Variants in KMT2C observed in about 807,000 individuals in gnomAD.
KMT2C encodes histone-lysine N-methyltransferase 2C.
Under a neutral mutation model 507.9 loss-of-function variants are expected in KMT2C, and 88 were observed. The observed-to-expected ratio is 0.17, with a 90% CI of 0.15 to 0.21. The LOEUF (loss-of-function observed/expected upper bound fraction) is 0.21. KMT2C is among the 10% of genes least tolerant of loss of function. The probability of loss-of-function intolerance (pLI) is 1.00; values close to 1 mark genes in which losing one functional copy is unlikely to be tolerated. For synonymous variants in KMT2C, 2,049 were observed against 2,080.8 expected, an observed-to-expected ratio of 0.98 and a Z score of 0.42; for missense variants, 4,954 against 5,957.8, an observed-to-expected ratio of 0.83 and a Z score of 5.55.
rs373033231 is a variant in KMT2C, at chr7:152,319,199, G to A, written c.390-3861C>T. Among the ~76,000 whole-genome samples the A allele has an allele frequency of 2.4e-3, 363 of 152,242 alleles. 1 individual carries two copies. The highest frequency in any genetic ancestry group is 7.8e-3 in the African/African-American group (322 of 41,540). On this transcript the variant is annotated intron_variant, in intron 3 of 58. Transcript: ENST00000262189. ...TGCCGAGGCAAGAGACCAAGGGCAC[G>A]AGCTGTTCCAGTATAACAAAATATA...
At chr7:152,223,906 G>C (rs1304983372) in intron 20 of KMT2C, 109 bp downstream of exon 20, 5 of 828,028 alleles carry the variant, frequency 6.0e-6, no homozygotes, top group Admixed American at 2.9e-5. Flanking sequence ...AAGGCAAAAA[G>C]TTCTGTACCT....
intron 39 of KMT2C, among the ~76,000 whole-genome samples, chr7:152,173,703 C>CT (rs1162015363): frequency 3.9e-5 from 6 of 152,250 alleles, no homozygotes; most frequent in South Asian, 2.1e-4. Flanking sequence ...TTGTAACTTT[C>CT]TTTTTCTGAT....
Position 152,367,151 on chromosome 7 carries a change from C to G in KMT2C, c.162-8476G>C, listed in dbSNP as rs540311328. 228 of 1,317,142 alleles carry G rather than the reference C, an allele frequency of 1.7e-4. No homozygotes were observed. The South Asian group carries it at 2.7e-3, about 16-fold the overall frequency. The allele number at this position is 1,317,142 out of a possible 1,614,324, so 81.6% of individuals were successfully genotyped here. A position where few individuals can be genotyped will look rare whatever the true frequency, so the allele number is the denominator to read the frequency against. ...TCCTAGAAATCTAGCACTGGAGAAACGAGGAAAATTCTTCCAAGGATGGTC... is the reference window on the plus strand; with the variant it reads ...TCCTAGAAATCTAGCACTGGAGAAAGGAGGAAAATTCTTCCAAGGATGGTC... On this transcript the variant is annotated intron_variant, in intron 1 of 58. Transcript: ENST00000262189.
In KMT2C at chr7:152,149,023, G is replaced by C. The variant is rs559520719; in HGVS notation, c.12904C>G (p.Pro4302Ala). 16 of 1,539,900 alleles carry C rather than the reference G, an allele frequency of 1.0e-5. No homozygotes were observed. The East Asian group carries it at 2.9e-4, about 28-fold the overall frequency. Reference protein sequence around the residue: ...LPQLPEKASPPASPPIAFPPA... With the variant: ...LPQLPEKASPAASPPIAFPPA... ...GGGAAGGCGATGGGTGGTGAGGCAG[G>C]GGGAGAAGCTTTCTCTGGGAGCTGG... Residue 4302 changes from proline (P) to alanine (A), a missense_variant, in exon 52 of 59, where the codon CCT (proline) becomes GCT (alanine). Physicochemically the swap from Pro to Ala is conservative, Grantham distance 27. Transcript: ENST00000262189.
chr7:152,364,470 G>A lies in KMT2C; in HGVS notation c.162-5795C>T, dbSNP rs943296708. On this transcript the variant is annotated intron_variant, in intron 1 of 58. Transcript: ENST00000262189. ...AAAATACAAAAAATTAGCCGGGCGC[G>A]TGGTGGCAGGTGCCTGTAGTCCTAG... Among the ~76,000 whole-genome samples the A allele has an allele frequency of 4.6e-5, 7 of 152,074 alleles. No homozygotes were observed. The South Asian group carries it at 6.2e-4, about 14-fold the overall frequency.
At chr7:152,221,920 G>A in intron 22 of KMT2C, 81 bp downstream of exon 22, 6 of 991,552 alleles carry the variant, frequency 6.1e-6, no homozygotes, top group Non-Finnish European at 9.3e-6. Context: ...GATTGAAGCA[G>A]GTTTGACAAG....
chr7:152,380,049 T>C (rs62495482), intron 1 of KMT2C, among the ~76,000 whole-genome samples: 23 of 152,398 alleles, frequency 1.5e-4, no homozygotes, highest in African/African-American at 5.3e-4. Flanking sequence ...CTGGGTAACA[T>C]GGTGAAACCC....
chr7:152,190,018 CA>C (rs2093743114), intron 31 of KMT2C, among the ~76,000 whole-genome samples: 1 of 152,136 alleles, frequency 6.6e-6, no homozygotes, highest in Non-Finnish European at 1.5e-5. Flanking sequence ...ATTAGATTCT[CA>C]TAGAAGCGCA....
chr7:152,162,493 T>A lies in KMT2C; in HGVS notation c.11084A>T (p.Asn3695Ile). The A allele has an allele frequency of 6.2e-7, 1 of 1,614,236 alleles. No homozygotes were observed. The highest frequency in any genetic ancestry group is 8.5e-7 in the Non-Finnish European group (1 of 1,180,048). The part of the protein sequence containing the change: ...PNSDFSQATP[N>I]QQTYANSEVD... Reference sequence around the variant, plus strand: ...TTCTGAATTTGCATACGTCTGTTGATTTGGAGTTGCTTGTGAGAAATCACT... The same window carrying A: ...TTCTGAATTTGCATACGTCTGTTGAATTGGAGTTGCTTGTGAGAAATCACT... The change falls in exon 43 of 59, where the codon AAT (asparagine) becomes ATT (isoleucine). Residue 3695 changes from asparagine (N) to isoleucine (I), a missense_variant. Physicochemically the swap from Asn to Ile is moderately radical, Grantham distance 149. Transcript: ENST00000262189.
chr7:152,176,995 T>C lies in KMT2C; in HGVS notation c.8458A>G (p.Asn2820Asp), dbSNP rs2129114023. The C allele has an allele frequency of 1.9e-6, 3 of 1,614,050 alleles. No homozygotes were observed. The highest frequency in any genetic ancestry group is 2.5e-6 in the Non-Finnish European group (3 of 1,179,904). Residue 2820 changes from asparagine (N) to aspartate (D), a missense_variant, in exon 38 of 59, where the codon AAT becomes GAT. This residue lies in a region of KMT2C where 1,689 missense variants were observed against 1,654.3 expected (regional missense o/e 1.02). Coordinates refer to ENST00000262189, the MANE Select transcript of KMT2C (RefSeq NM_170606.3). ...GACAGTACTTCCGTTTTTACCTCAT[T>C]GGTAACAGTGGATTTTTTCTGTGGT... ...HSPQKKSTVT[N>D]EVKTEVLSPN...
rs2092535918 is a variant in KMT2C, at chr7:152,162,951, G to A, written c.10626C>T (p.Thr3542=). 3 of 1,614,142 alleles carry A rather than the reference G, an allele frequency of 1.9e-6. No homozygotes were observed. The highest frequency in any genetic ancestry group is 2.5e-6 in the Non-Finnish European group (3 of 1,180,030). Residue 3542 remains threonine, a synonymous_variant, in exon 43 of 59, where the codon ACC becomes ACT. Transcript: ENST00000262189. ...GCCTCACTGGGGACTGCTGGAAGCT[G>A]GTCCCAGAAAGATTTCCATGTCCCT... ...VKQGHGNLSG[T]SFQQSPVRPS...
At position 152,334,289 on chromosome 7, in the gene KMT2C, C is replaced by T. The variant is rs186234290; in HGVS notation, c.251-3550G>A. ...TCAACATGGAGAAACCCCATCTCTA[C>T]TAAAAATACAGAATTAGCCGGGCGA... On this transcript the variant is annotated intron_variant, in intron 2 of 58. Transcript: ENST00000262189. Among the ~76,000 whole-genome samples, 577 of 152,238 alleles carry T rather than the reference C, an allele frequency of 3.8e-3. 2 individuals carry two copies. Among genetic ancestry groups the T allele is most frequent in the Non-Finnish European group, 5.1e-3 (345 of 68,008 alleles).
chr7:152,231,950 G>A (rs1477169941), intron 16 of KMT2C, among the ~76,000 whole-genome samples: 1 of 151,294 alleles, frequency 6.6e-6, no homozygotes, highest in Non-Finnish European at 1.5e-5. Flanking sequence ...TGCAGTCTCG[G>A]CTCAGTGCAA....
At chr7:152,374,344 T>A (rs1564030081) in intron 1 of KMT2C, among the ~76,000 whole-genome samples, 1 of 150,940 alleles carries the variant, frequency 6.6e-6, no homozygotes, top group Non-Finnish European at 1.5e-5. Context: ...TAATAATAAT[T>A]AATAAAAATT....
chr7:152,166,986 A>T (rs1421231380), intron 42 of KMT2C, among the ~76,000 whole-genome samples, 160 bp downstream of exon 42: 1 of 152,204 alleles, frequency 6.6e-6, no homozygotes, highest in Non-Finnish European at 1.5e-5. Context: ...GGCTGCAGTT[A>T]CTAAGAGGTC....
chr7:152,150,717 G>A (rs1446015981), intron 51 of KMT2C, among the ~76,000 whole-genome samples, 183 bp downstream of exon 51: 1 of 152,034 alleles, frequency 6.6e-6, no homozygotes, highest in Non-Finnish European at 1.5e-5. Context: ...TAACTAAGTT[G>A]AAAGAGTAGC....
In KMT2C at chr7:152,181,553, G is replaced by A; in HGVS notation, c.6307C>T (p.Pro2103Ser). The A allele has an allele frequency of 6.2e-7, 1 of 1,614,044 alleles. No individual in the cohort carries two copies. Among genetic ancestry groups the A allele is most frequent in the Non-Finnish European group, 8.5e-7 (1 of 1,179,970 alleles). Residue 2103 changes from proline to serine, a missense_variant, in exon 36 of 59, where the codon CCA becomes TCA. Physicochemically the swap from Pro to Ser is moderately conservative, Grantham distance 74. Around this residue, in one of 29 missense-constraint regions of KMT2C, gnomAD observed 1,689 missense variants for 1,654.3 expected, o/e 1.02. Transcript: ENST00000262189. ...PYSQPPLTPH[P>S]AVNESFAHPS... The stretch of plus-strand genomic sequence containing the variant: ...TGGGCAAAAGATTCATTCACTGCTG[G>A]ATGTGGGGTAAGGGGAGGCTGACTA...
At chr7:152,179,216 G>C (rs368153415) in intron 37 of KMT2C, among the ~76,000 whole-genome samples, 2 of 152,228 alleles carry the variant, frequency 1.3e-5, no homozygotes, top group African/African-American at 2.4e-5. Flanking sequence ...GGTTGGTCTC[G>C]AACTCCTGAC....
chr7:152,355,007 T>C (rs1044059895), intron 2 of KMT2C, among the ~76,000 whole-genome samples: 3 of 152,166 alleles, frequency 2.0e-5, no homozygotes, highest in South Asian at 2.1e-4. Flanking sequence ...TAGGAAGCTA[T>C]TGCAGCAGTC....
Sources: gnomAD v4.1 joint callset for allele counts (sites outside exome capture counted in the v4.1 genomes callset) on GRCh38, gnomAD v4.1.1 for gene constraint, gnomAD v4.1.1 regional missense constraint, MANE v1.5 for transcripts, NCBI Gene and HGNC (gene_info 2026-07-23, HGNC 2026-07-21) for gene names.